Variants in COTL1 observed in about 807,000 individuals in gnomAD.
COTL1 encodes coactosin-like protein.
A neutral mutation model predicts 16.5 loss-of-function variants in COTL1; 15 were observed. The observed-to-expected ratio is 0.91, with a 90% confidence interval of 0.61 to 1.40. COTL1 has a LOEUF of 1.40. Ranked by LOEUF, COTL1 falls within the 40% of genes most tolerant of loss-of-function variation. The pLI is 0.00. For missense variants in COTL1, 220 were observed against 201.5 expected (o/e 1.09, Z -0.56); for synonymous variants, 112 against 85.3 (o/e 1.31, Z -1.73).
intron 2 of COTL1, among the ~76,000 whole-genome samples, chr16:84,598,738 G>C (rs1905055791): frequency 6.7e-6 from 1 of 148,542 alleles, no homozygotes; most frequent in Non-Finnish European, 1.5e-5. Context: ...GAGAGACAGT[G>C]GGGGTGGGAA....
intron 2 of COTL1, among the ~76,000 whole-genome samples, chr16:84,591,414 G>A (rs368771471): frequency 1.3e-5 from 2 of 151,388 alleles, no homozygotes; most frequent in African/African-American, 2.4e-5. Context: ...TTGATCTCCT[G>A]ACCTTGTATT....
chr16:84,616,269 G>A (rs1370648250), intron 2 of COTL1: 1 of 152,150 alleles, frequency 6.6e-6, no homozygotes, highest in Non-Finnish European at 1.5e-5. Flanking sequence ...GAGAGGCCAA[G>A]GTGGGCAGAT....
At chr16:84,588,814 G>C (rs557225174) in intron 3 of COTL1, among the ~76,000 whole-genome samples, 2 of 151,712 alleles carry the variant, frequency 1.3e-5, no homozygotes, top group African/African-American at 2.4e-5. Flanking sequence ...ACTGTGCTCA[G>C]CCCGTTTTTG....
intron 3 of COTL1, among the ~76,000 whole-genome samples, chr16:84,587,738 CAG>C (rs1398740065): frequency 5.3e-5 from 8 of 152,248 alleles, no homozygotes; most frequent in Non-Finnish European, 8.8e-5. Flanking sequence ...CGGGAACTGA[CAG>C]GGGGACCACA....
At chr16:84,573,226 C>G (rs1400759216) in intron 3 of COTL1, among the ~76,000 whole-genome samples, 1 of 152,188 alleles carries the variant, frequency 6.6e-6, no homozygotes, top group Non-Finnish European at 1.5e-5. Flanking sequence ...CTTTTGAACC[C>G]AGCCTTAGAA....
chr16:84,587,182 G>A (rs1433244574), intron 3 of COTL1, among the ~76,000 whole-genome samples: 3 of 152,154 alleles, frequency 2.0e-5, no homozygotes, highest in South Asian at 4.1e-4. Flanking sequence ...TTGAATAAGT[G>A]GTTTTCCAAA....
chr16:84,593,515 C>CTT (rs11421532), intron 2 of COTL1, among the ~76,000 whole-genome samples: 121 of 139,588 alleles, frequency 8.7e-4, no homozygotes, highest in South Asian at 3.1e-3. Flanking sequence ...ATTTTAACCA[C>CTT]TTTTTTTTTT....
intron 2 of COTL1, among the ~76,000 whole-genome samples, chr16:84,599,313 G>A (rs549376436): frequency 6.6e-5 from 10 of 152,328 alleles, no homozygotes; most frequent in East Asian, 1.9e-4. Flanking sequence ...GCTATGGGTC[G>A]AGCACTGTGT....
chr16:84,570,420 G>A (rs973581000), intron 3 of COTL1, among the ~76,000 whole-genome samples: 2 of 151,606 alleles, frequency 1.3e-5, no homozygotes, highest in Non-Finnish European at 2.9e-5. Context: ...AGCAGATCTA[G>A]TAAAACATAA....
At chr16:84,574,782 C>T (rs1597167931) in intron 3 of COTL1, among the ~76,000 whole-genome samples, 1 of 152,066 alleles carries the variant, frequency 6.6e-6, no homozygotes, top group African/African-American at 2.4e-5. Flanking sequence ...CGGGGTTTCA[C>T]CATGTTGGCC....
chr16:84,611,151 GCAAGGCTATCGTT>G (rs1905315085), intron 2 of COTL1, among the ~76,000 whole-genome samples: 2 of 152,162 alleles, frequency 1.3e-5, no homozygotes, highest in Admixed American at 6.5e-5. Flanking sequence ...ACACAGCACA[GCAAGGCTATCGTT>G]CAAAGCAAGA....
intron 2 of COTL1, among the ~76,000 whole-genome samples, chr16:84,615,166 C>T (rs188256860): frequency 2.3e-4 from 35 of 152,342 alleles, no homozygotes; most frequent in Non-Finnish European, 1.5e-4. Flanking sequence ...AGAGCAGACA[C>T]GGCAACCATA....
At chr16:84,591,277 G>A (rs1181106330) in intron 2 of COTL1, among the ~76,000 whole-genome samples, 1 of 151,052 alleles carries the variant, frequency 6.6e-6, no homozygotes, top group Non-Finnish European at 1.5e-5. Context: ...TTGGCCTCTA[G>A]GGTTCACACC....
intron 2 of COTL1, among the ~76,000 whole-genome samples, chr16:84,613,877 A>G (rs928399681): frequency 2.7e-5 from 4 of 150,890 alleles, no homozygotes; most frequent in Non-Finnish European, 5.9e-5. Context: ...CTGGCCACGC[A>G]GAGTCTCCAT....
intron 3 of COTL1, among the ~76,000 whole-genome samples, chr16:84,569,828 G>C (rs1034134211): frequency 6.6e-6 from 1 of 152,252 alleles, no homozygotes; most frequent in Non-Finnish European, 1.5e-5. Flanking sequence ...GGGAGGGGCA[G>C]AGAGCTTTCA....
chr16:84,570,431 C>A (rs1304505724), intron 3 of COTL1, among the ~76,000 whole-genome samples: 1 of 150,290 alleles, frequency 6.7e-6, no homozygotes, highest in Non-Finnish European at 1.5e-5. Flanking sequence ...TAAAACATAA[C>A]AATAAATGTA....
intron 2 of COTL1, among the ~76,000 whole-genome samples, chr16:84,598,036 G>A (rs965898099): frequency 1.3e-5 from 2 of 152,176 alleles, no homozygotes; most frequent in African/African-American, 4.8e-5. Context: ...TCTCAGGGCT[G>A]CCGTCACTGA....
At chr16:84,586,631 CAG>C (rs1162602489) in intron 3 of COTL1, among the ~76,000 whole-genome samples, 3 of 152,150 alleles carry the variant, frequency 2.0e-5, no homozygotes, top group Non-Finnish European at 1.5e-5. Context: ...TTATTTTAGA[CAG>C]AGTCTTGCTG....
chr16:84,609,185 T>A (rs1007184457), intron 2 of COTL1, among the ~76,000 whole-genome samples: 3 of 152,224 alleles, frequency 2.0e-5, no homozygotes, highest in Non-Finnish European at 2.9e-5. Flanking sequence ...ATAAATAGAC[T>A]GCCGGCTCTC....
Sources: allele counts gnomAD v4.1 joint callset (sites outside exome capture counted in the v4.1 genomes callset), GRCh38; gene constraint gnomAD v4.1.1; transcripts MANE v1.5; gene names NCBI Gene and HGNC (gene_info 2026-07-23, HGNC 2026-07-21).